RPRD1B: variants seen among roughly 807,000 people sequenced by gnomAD.
RPRD1B encodes the protein regulation of nuclear pre-mRNA domain-containing protein 1B.
RPRD1B carries 11 observed loss-of-function variants against 41.5 expected under a neutral mutation model. The ratio of observed to expected loss-of-function variants is 0.27; its 90% CI spans 0.17 to 0.44. The LOEUF (loss-of-function observed/expected upper bound fraction) is 0.44. RPRD1B is among the 20% of genes least tolerant of loss of function. The pLI is 1.00. For synonymous variants in RPRD1B, 158 were observed against 155.6 expected (o/e 1.02, Z -0.12); for missense variants, 248 against 389.9 (o/e 0.64, Z 3.06).
intron 6 of RPRD1B, among the ~76,000 whole-genome samples, chr20:38,085,042 G>A (rs1229935043): frequency 1.3e-5 from 2 of 152,152 alleles, no homozygotes; most frequent in Admixed American, 6.5e-5. Flanking sequence ...TGAATGGAAG[G>A]CCCACCTCAG....
chr20:38,070,518 A>G (rs6022796), intron 6 of RPRD1B: 183,214 of 985,240 alleles, frequency 0.19, 19,857 homozygotes, highest in African/African-American at 0.47. Context: ...AGAGGTGACT[A>G]CATTACTCCC....
chr20:38,088,986 CAAAG>C (rs983510185), intron 6 of RPRD1B, among the ~76,000 whole-genome samples: 10 of 152,302 alleles, frequency 6.6e-5, no homozygotes, highest in African/African-American at 2.2e-4. Flanking sequence ...TCCACACAGA[CAAAG>C]AGGGTTAGGA....
At chr20:38,073,681 G>A (rs1422191036) in intron 6 of RPRD1B, among the ~76,000 whole-genome samples, 1 of 152,208 alleles carries the variant, frequency 6.6e-6, no homozygotes, top group Non-Finnish European at 1.5e-5. Context: ...CAACTTTGGA[G>A]TAAATTCGTC....
rs528561455 is a variant in RPRD1B at position 38,085,696 on chromosome 20, A to G, written c.832-4030A>G. The G allele has an allele frequency of 5.9e-5, 9 of 152,384 alleles. No homozygotes were observed. The East Asian group carries it at 1.7e-3, about 29-fold the overall frequency. 9.4% of individuals were successfully genotyped at this position (152,384 alleles called of 1,614,324 possible). A position where few individuals can be genotyped will look rare whatever the true frequency, so the allele number is the denominator to read the frequency against. Reference sequence around the variant, plus strand: ...GATTTTCCTGAGACCTTTCTCCTTCATCTCTCCAGACCCAAAGAGAATAAC... The same window carrying G: ...GATTTTCCTGAGACCTTTCTCCTTCGTCTCTCCAGACCCAAAGAGAATAAC... On this transcript the variant is annotated intron_variant, in intron 6 of 6. Transcript: ENST00000373433.
intron 6 of RPRD1B, among the ~76,000 whole-genome samples, chr20:38,071,864 A>C (rs2074416388): frequency 6.6e-6 from 1 of 152,128 alleles, no homozygotes; most frequent in Non-Finnish European, 1.5e-5. Flanking sequence ...CCATTTTCAA[A>C]TTGGGTTATT....
chr20:38,066,955 G>A (rs775384246), intron 6 of RPRD1B, among the ~76,000 whole-genome samples: 13 of 152,104 alleles, frequency 8.5e-5, no homozygotes, highest in East Asian at 3.9e-4. Context: ...GCGCCCAGCC[G>A]TTTGGAGGTT....
rs2074616056 is a variant in RPRD1B at position 38,092,070 on chromosome 20, T to C, written c.*2195T>C. ...GTTTAATTTAAATGAACTTTCCTCC[T>C]TGTATGTATGAGGTGACTTGGTGGG... On this transcript the variant is annotated 3_prime_UTR_variant, in exon 7 of 7. Coordinates refer to ENST00000373433, the MANE Select transcript of RPRD1B (RefSeq NM_021215.4). 1.0e-6 allele frequency: 1 copy of C among 985,822 alleles called. No homozygotes were observed. The highest frequency in any genetic ancestry group is 1.2e-6 in the Non-Finnish European group (1 of 829,930). The allele number at this position is 985,822 out of a possible 1,614,324, so 61.1% of individuals were successfully genotyped here. A position where few individuals can be genotyped will look rare whatever the true frequency, so the allele number is the denominator to read the frequency against.
chr20:38,049,741 A>G (rs1329581030), intron 3 of RPRD1B: 12 of 471,008 alleles, frequency 2.5e-5, no homozygotes, highest in Non-Finnish European at 5.3e-5. Flanking sequence ...GTTTAATTCT[A>G]GTTGGCATGA....
At chr20:38,034,946 T>C (rs1261322842) in intron 1 of RPRD1B, among the ~76,000 whole-genome samples, 25 of 152,232 alleles carry the variant, frequency 1.6e-4, no homozygotes, top group Admixed American at 1.6e-3. Context: ...ATCTACAGAA[T>C]GGATAACTGA....
intron 6 of RPRD1B, among the ~76,000 whole-genome samples, chr20:38,087,683 T>G (rs1426522965): frequency 6.6e-6 from 1 of 152,226 alleles, no homozygotes; most frequent in Non-Finnish European, 1.5e-5. Context: ...TCCTTTATAT[T>G]AATTTCCCTT....
intron 1 of RPRD1B, among the ~76,000 whole-genome samples, chr20:38,039,936 G>C (rs969399132): frequency 6.6e-6 from 1 of 151,854 alleles, no homozygotes; most frequent in East Asian, 1.9e-4. Flanking sequence ...GTTTCACCAT[G>C]TTGGCCAGGC....
chr20:38,044,881 C>G (rs1338073654), intron 2 of RPRD1B, among the ~76,000 whole-genome samples: 1 of 151,950 alleles, frequency 6.6e-6, no homozygotes, highest in Non-Finnish European at 1.5e-5. Context: ...ACTTAGAATT[C>G]CTGCCCTTAG....
At chr20:38,042,129 A>G (rs959645137) in intron 2 of RPRD1B, among the ~76,000 whole-genome samples, 6 of 152,164 alleles carry the variant, frequency 3.9e-5, no homozygotes, top group Non-Finnish European at 8.8e-5. Flanking sequence ...GGGATAGTAA[A>G]CATAACAGTG....
chr20:38,072,204 TA>T (rs1647355099), intron 6 of RPRD1B, among the ~76,000 whole-genome samples: 1 of 152,182 alleles, frequency 6.6e-6, no homozygotes, highest in Admixed American at 6.5e-5. Flanking sequence ...TGGTGTGATG[TA>T]GGGGGGGACC....
At chr20:38,041,597 G>A (rs765291103) in intron 2 of RPRD1B, among the ~76,000 whole-genome samples, 3 of 152,186 alleles carry the variant, frequency 2.0e-5, no homozygotes, top group Non-Finnish European at 4.4e-5. Context: ...AACAGAGTAA[G>A]CTTAGAACAG....
chr20:38,050,548 T>C (rs2074175037), intron 3 of RPRD1B, among the ~76,000 whole-genome samples: 1 of 152,200 alleles, frequency 6.6e-6, no homozygotes, highest in African/African-American at 2.4e-5. Flanking sequence ...AAGAGGATGT[T>C]TGAAGCTAAT....
intron 6 of RPRD1B, among the ~76,000 whole-genome samples, chr20:38,072,092 T>C (rs951500775): frequency 2.0e-5 from 3 of 152,226 alleles, no homozygotes; most frequent in African/African-American, 4.8e-5. Context: ...CTGTTGCCAA[T>C]CCCAGGTCAT....
chr20:38,086,254 C>G (rs1237591794), intron 6 of RPRD1B, among the ~76,000 whole-genome samples: 1 of 152,160 alleles, frequency 6.6e-6, no homozygotes, highest in Non-Finnish European at 1.5e-5. Flanking sequence ...ATTTAGTGGA[C>G]TATAAAAATT....
Position 38,091,825 on chromosome 20 carries a change from A to G in RPRD1B, c.*1950A>G, listed in dbSNP as rs2074614478. On this transcript the variant is annotated 3_prime_UTR_variant, in exon 7 of 7. Coordinates refer to ENST00000373433, the MANE Select transcript of RPRD1B (RefSeq NM_021215.4). ...TGGATTTAGCCCACTGCTCTGTTTT[A>G]TCCAACTGAGTCTCTGACCAGCAAT... is the stretch of plus-strand genomic sequence containing the variant. 1 of 985,790 alleles carries G rather than the reference A, an allele frequency of 1.0e-6. No individual in the cohort carries two copies. The highest frequency in any genetic ancestry group is 6.2e-5 in the Admixed American group (1 of 16,260). 61.1% of individuals were successfully genotyped at this position (985,790 alleles called of 1,614,324 possible).
Sources: gnomAD v4.1 joint callset for allele counts (sites outside exome capture counted in the v4.1 genomes callset) on GRCh38, gnomAD v4.1.1 for gene constraint, MANE v1.5 for transcripts, NCBI Gene and HGNC (gene_info 2026-07-23, HGNC 2026-07-21) for gene names.